Variants in HECTD4 observed in about 807,000 individuals in gnomAD.
HECTD4 encodes probable E3 ubiquitin-protein ligase HECTD4.
A neutral mutation model predicts 471.5 loss-of-function variants in HECTD4; 114 were observed. That is an observed-to-expected ratio of 0.24 (90% CI 0.21 to 0.28). The LOEUF is 0.28. HECTD4 is among the 10% of genes least tolerant of loss of function. The pLI is 1.00. For synonymous variants in HECTD4, 2,012 were observed against 2,256.0 expected (o/e 0.89, Z 3.07); for missense variants, 3,866 against 5,651.5 (o/e 0.68, Z 10.13).
chr12:112,172,618 G>A, intron 67 of HECTD4, 53 bp downstream of exon 67: 1 of 1,559,328 alleles, frequency 6.4e-7, no homozygotes, highest in Non-Finnish European at 8.8e-7. Context: ...CCCTTGTCAT[G>A]GGGCATGCCC....
chr12:112,190,672 G>T, intron 60 of HECTD4, 114 bp downstream of exon 60: 1 of 877,220 alleles, frequency 1.1e-6, no homozygotes, highest in Non-Finnish European at 1.7e-6. Context: ...GGAGGCTGCA[G>T]CTGCCTGGGC....
chr12:112,203,624 C>CT lies in HECTD4; in HGVS notation c.8406+11dup. ...TAAAATAGCTTATTAATCAGAATGG[C>CT]TGTTCACTCACTGAATCAACATCTA... On this transcript the variant is annotated intron_variant, in intron 54 of 75. Coordinates refer to ENST00000682272, the MANE Select transcript of HECTD4 (RefSeq NM_001388303.1). 1 of 1,609,660 alleles carries CT rather than the reference C, an allele frequency of 6.2e-7. No individual in the cohort carries two copies. The highest frequency in any genetic ancestry group is 8.5e-7 in the Non-Finnish European group (1 of 1,177,232).
chr12:112,187,682 C>T lies in HECTD4; in HGVS notation c.9473-2189G>A, dbSNP rs940366265. ...CACTCTGTCGCCCAGGCTGGAGTGC[C>T]GTGGTGCCATCTCGGCTCACTGTAA... On this transcript the variant is annotated intron_variant, in intron 60 of 75. Transcript: ENST00000682272. Among the ~76,000 whole-genome samples the T allele has an allele frequency of 7.8e-5, 11 of 141,760 alleles. No homozygotes were observed. In the East Asian group the frequency reaches 8.4e-4, roughly 11 times the overall value. 93.0% of individuals were successfully genotyped at this position (141,760 alleles called of 152,430 possible). A position where few individuals can be genotyped will look rare whatever the true frequency, so the allele number is the denominator to read the frequency against.
At chr12:112,333,097 A>G (rs933275788) in intron 1 of HECTD4, among the ~76,000 whole-genome samples, 3 of 152,200 alleles carry the variant, frequency 2.0e-5, no homozygotes, top group African/African-American at 7.2e-5. Flanking sequence ...TTATTTATCT[A>G]TTCATCAGTT....
At chr12:112,318,090 C>T (rs1201751116) in intron 2 of HECTD4, among the ~76,000 whole-genome samples, 1 of 150,504 alleles carries the variant, frequency 6.6e-6, no homozygotes, top group Non-Finnish European at 1.5e-5. Flanking sequence ...GTCTGGCCAA[C>T]ATGGTGAAAC....
rs1435036579 is a variant in HECTD4 at position 112,188,805 on chromosome 12, C to A, written c.9472+1981G>T. On this transcript the variant is annotated intron_variant, in intron 60 of 75. Coordinates refer to ENST00000682272, the MANE Select transcript of HECTD4 (RefSeq NM_001388303.1). This position sits in a 1 kb window ranked among gnomAD's most constrained non-coding sequence, Gnocchi z 4.2. ...TCCTGGAACATGGGCTCTCATAGAA[C>A]CTCCACAGAGGACAGGTGTCCTTGC... 6.6e-6 allele frequency among the ~76,000 whole-genome samples: 1 copy of A among 152,230 alleles called. No homozygotes were observed. The highest frequency in any genetic ancestry group is 1.5e-5 in the Non-Finnish European group (1 of 68,048).
At chr12:112,279,558 T>C (rs1013955162) in intron 8 of HECTD4, among the ~76,000 whole-genome samples, 172 bp from the exon 9 acceptor site, 56 of 152,156 alleles carry the variant, frequency 3.7e-4, no homozygotes, top group African/African-American at 1.3e-3. Flanking sequence ...AAAAAAATAA[T>C]TATCTTCTGG....
At position 112,193,455 on chromosome 12, in the gene HECTD4, C is replaced by G; in HGVS notation, c.8955+14G>C. 6.3e-7 allele frequency: 1 copy of G among 1,598,104 alleles called. No homozygotes were observed. The highest frequency in any genetic ancestry group is 8.5e-7 in the Non-Finnish European group (1 of 1,171,836). On this transcript the variant is annotated intron_variant, in intron 57 of 75. Coordinates refer to ENST00000682272, the MANE Select transcript of HECTD4 (RefSeq NM_001388303.1). The surrounding 1 kb of genome is among the most constrained non-coding windows in gnomAD (Gnocchi z 5.2). ...GGTAACCACACTGCAGGAACATGAG[C>G]TTTAGACTTCTACCTGCAGGAAAGA...
At chr12:112,238,610 G>A (rs1221762132) in intron 34 of HECTD4, among the ~76,000 whole-genome samples, 4 of 152,118 alleles carry the variant, frequency 2.6e-5, no homozygotes, top group Non-Finnish European at 5.9e-5. Flanking sequence ...TGCGCCTATA[G>A]TCCTACTTGG....
At chr12:112,231,364 G>T in intron 39 of HECTD4, 149 bp downstream of exon 39, 1 of 698,408 alleles carries the variant, frequency 1.4e-6, no homozygotes, top group Non-Finnish European at 2.5e-6. Flanking sequence ...CGTACTCCAG[G>T]CTGTACCTTG....
Position 112,274,950 on chromosome 12 carries a change from G to A in HECTD4, c.1698C>T (p.Ser566=). The A allele has an allele frequency of 6.5e-7, 1 of 1,543,596 alleles. No individual in the cohort carries two copies. Among genetic ancestry groups the A allele is most frequent in the Non-Finnish European group, 8.8e-7 (1 of 1,140,790 alleles). ...CATCCGAAATATTATACACCAAGCT[G>A]GAGGCTAGGACTTTGGAAACAAACA... ...SGLSSLKILA[S]SLVYNISDGQ... Residue 566 remains serine, a synonymous_variant, in exon 10 of 76, where the codon TCC becomes TCT. Transcript: ENST00000682272.
chr12:112,321,800 C>T (rs565708696), intron 1 of HECTD4: 5 of 150,906 alleles, frequency 3.3e-5, no homozygotes, highest in African/African-American at 1.2e-4. Flanking sequence ...AAAACCAAAA[C>T]AAAAGAAGCA....
At chr12:112,258,651 G>C in intron 19 of HECTD4, 55 bp from the exon 20 acceptor site, 1 of 1,408,176 alleles carries the variant, frequency 7.1e-7, no homozygotes, top group Non-Finnish European at 9.7e-7. Context: ...TTATCTGAAT[G>C]GTATGACAGC....
intron 1 of HECTD4, among the ~76,000 whole-genome samples, chr12:112,374,741 C>A (rs910626747): frequency 6.6e-6 from 1 of 152,152 alleles, no homozygotes; most frequent in Non-Finnish European, 1.5e-5. Context: ...GGAGAATAGA[C>A]CAACATAAAT....
intron 49 of HECTD4, among the ~76,000 whole-genome samples, chr12:112,212,254 A>G (rs10850014): frequency 0.21 from 32,083 of 151,978 alleles, 5,443 homozygotes; most frequent in East Asian, 0.85. Context: ...TTGCTAAAAA[A>G]ATGTCAAGGC....
chr12:112,324,552 T>G (rs1387755415), intron 1 of HECTD4, among the ~76,000 whole-genome samples: 1 of 152,154 alleles, frequency 6.6e-6, no homozygotes, highest in Non-Finnish European at 1.5e-5. Flanking sequence ...ACCTTTTTAT[T>G]TTTCAGATGG....
At chr12:112,167,950 G>A in intron 70 of HECTD4, 33 bp from the exon 71 acceptor site, 2 of 1,564,500 alleles carry the variant, frequency 1.3e-6, no homozygotes, top group South Asian at 1.1e-5. Context: ...GGGCACCTGG[G>A]GTGTCCCGGC....
intron 14 of HECTD4, among the ~76,000 whole-genome samples, chr12:112,266,453 G>A (rs1195310190): frequency 6.6e-6 from 1 of 152,186 alleles, no homozygotes; most frequent in Non-Finnish European, 1.5e-5. Context: ...TTTCAATCTG[G>A]TTGAAGTGTA....
At position 112,273,781 on chromosome 12, in the gene HECTD4, T is replaced by C. The variant is rs770114088; in HGVS notation, c.1816A>G (p.Thr606Ala). The C allele has an allele frequency of 5.0e-6, 8 of 1,613,792 alleles. No individual in the cohort carries two copies. In the Admixed American group the frequency reaches 5.0e-5, roughly 10 times the overall value. The change falls in exon 11 of 76, where the codon ACA becomes GCA. Residue 606 changes from threonine to alanine, a missense_variant. Thr to Ala is a moderately conservative substitution (Grantham distance 58). Transcript: ENST00000682272. ...LVPGLGACYD[T>A]VNNMLWTCSN... The stretch of plus-strand genomic sequence containing the variant: ...CATGTCCATAGCATGTTGTTCACTG[T>C]GTCATAACACGCTCCTGCAAAAAGA...
Sources: gnomAD v4.1 joint callset for allele counts (sites outside exome capture counted in the v4.1 genomes callset) on GRCh38, gnomAD v4.1.1 for gene constraint, Gnocchi (gnomAD v3.1) non-coding constraint, MANE v1.5 for transcripts, NCBI Gene and HGNC (gene_info 2026-07-23, HGNC 2026-07-21) for gene names.